CADM2: variants seen among roughly 807,000 people sequenced by gnomAD.
CADM2 encodes cell adhesion molecule 2.
A neutral mutation model predicts 49.8 loss-of-function variants in CADM2; 12 were observed. The observed-to-expected ratio is 0.24, with a 90% CI of 0.15 to 0.39. The LOEUF (loss-of-function observed/expected upper bound fraction) is 0.39. Ranked by LOEUF, CADM2 falls within the 10% of genes least tolerant of loss-of-function variation. CADM2 has a pLI of 1.00. For missense variants in CADM2, 378 were observed against 492.3 expected, an observed-to-expected ratio of 0.77 and a Z score of 2.20; for synonymous variants, 214 against 175.4, an observed-to-expected ratio of 1.22 and a Z score of -1.74.
chr3:86,041,803 A>G (rs1007821092), intron 8 of CADM2, among the ~76,000 whole-genome samples: 1 of 152,242 alleles, frequency 6.6e-6, no homozygotes, highest in Non-Finnish European at 1.5e-5. Flanking sequence ...CACCACACCT[A>G]TTCCAAAATT....
At chr3:85,920,886 T>A (rs1191356085) in intron 6 of CADM2, among the ~76,000 whole-genome samples, 1 of 151,542 alleles carries the variant, frequency 6.6e-6, no homozygotes, top group African/African-American at 2.4e-5. Context: ...AAAATTAATA[T>A]AACATACTCT....
At chr3:84,981,136 C>T (rs993522297) in intron 1 of CADM2, among the ~76,000 whole-genome samples, 1 of 115,126 alleles carries the variant, frequency 8.7e-6, no homozygotes, top group Non-Finnish European at 1.7e-5. Context: ...CCTCCCCCCA[C>T]CCCACAACAG....
chr3:85,615,523 G>C (rs17023088), intron 1 of CADM2, among the ~76,000 whole-genome samples: 6,433 of 151,890 alleles, frequency 0.042, 450 homozygotes, highest in African/African-American at 0.15. Flanking sequence ...AATCCTTACT[G>C]ACCCTATTTC....
intron 1 of CADM2, among the ~76,000 whole-genome samples, chr3:85,680,838 A>C (rs1402798310): frequency 6.6e-6 from 1 of 152,162 alleles, no homozygotes; most frequent in Non-Finnish European, 1.5e-5. Flanking sequence ...ACTTATCAAA[A>C]GGTCAGTTCA....
intron 1 of CADM2, among the ~76,000 whole-genome samples, chr3:85,700,000 A>T (rs987809824): frequency 2.0e-5 from 3 of 152,168 alleles, no homozygotes; most frequent in African/African-American, 4.8e-5. Context: ...TACCCAAAGG[A>T]TTATAAATCA....
intron 8 of CADM2, among the ~76,000 whole-genome samples, chr3:85,980,340 T>C (rs1179571286): frequency 6.6e-6 from 1 of 151,526 alleles, no homozygotes; most frequent in Non-Finnish European, 1.5e-5. Context: ...TAATTAATTC[T>C]AGATATTAAG....
chr3:86,027,612 C>G (rs943124716), intron 8 of CADM2, among the ~76,000 whole-genome samples: 1 of 151,948 alleles, frequency 6.6e-6, no homozygotes, highest in Non-Finnish European at 1.5e-5. Flanking sequence ...TGAGGCATAG[C>G]CTATTGAAAT....
At chr3:85,838,166 G>T (rs2074485421) in intron 3 of CADM2, among the ~76,000 whole-genome samples, 1 of 151,842 alleles carries the variant, frequency 6.6e-6, no homozygotes, top group Non-Finnish European at 1.5e-5. Flanking sequence ...AAAGTCCAGT[G>T]TGTGGGATCA....
intron 2 of CADM2, among the ~76,000 whole-genome samples, chr3:85,734,391 C>G (rs1037520297): frequency 1.3e-5 from 2 of 151,830 alleles, no homozygotes; most frequent in Admixed American, 6.6e-5. Flanking sequence ...ATGGCACTCT[C>G]AATGCAGGGA....
At chr3:86,021,906 C>T (rs940350067) in intron 8 of CADM2, among the ~76,000 whole-genome samples, 2 of 152,030 alleles carry the variant, frequency 1.3e-5, no homozygotes, top group African/African-American at 4.8e-5. Context: ...AGATCTAATA[C>T]ACAACATGAG....
chr3:85,439,873 A>G (rs1434171539), intron 1 of CADM2, among the ~76,000 whole-genome samples: 1 of 152,202 alleles, frequency 6.6e-6, no homozygotes, highest in Non-Finnish European at 1.5e-5. Context: ...TCAGACTCAA[A>G]AACATCTTCC....
chr3:85,516,543 G>A (rs1435600115), intron 1 of CADM2, among the ~76,000 whole-genome samples: 1 of 152,146 alleles, frequency 6.6e-6, no homozygotes, highest in East Asian at 1.9e-4. Context: ...AATTACCAGA[G>A]ATTTTAGTAA....
chr3:85,006,571 A>T (rs955548534), intron 1 of CADM2, among the ~76,000 whole-genome samples: 15 of 152,292 alleles, frequency 9.8e-5, no homozygotes, highest in African/African-American at 3.6e-4. Flanking sequence ...CTGGAACTTC[A>T]TGCTAAATGC....
chr3:85,335,956 A>G (rs1559785964), intron 1 of CADM2, among the ~76,000 whole-genome samples: 1 of 151,494 alleles, frequency 6.6e-6, no homozygotes, highest in African/African-American at 2.4e-5. Context: ...CTCTGATTGT[A>G]TTCATTACTT....
chr3:85,181,794 A>C (rs1052807053), intron 1 of CADM2, among the ~76,000 whole-genome samples: 37 of 150,848 alleles, frequency 2.5e-4, no homozygotes, highest in Non-Finnish European at 1.3e-4. Context: ...ATTGTTATAT[A>C]TCTCTCTCTA....
rs143988929 is a variant in CADM2, at chr3:85,186,962, G to A, written c.61+227294G>A. 5.3e-5 allele frequency among the ~76,000 whole-genome samples: 8 copies of A among 152,190 alleles called. No homozygotes were observed. The East Asian group carries it at 1.5e-3, about 29-fold the overall frequency. On this transcript the variant is annotated intron_variant, in intron 1 of 9. Transcript: ENST00000383699. ...TATTTCCTGAGTGATTAAACCATGA[G>A]GTTTTTCTGTATGCCTTTGTAAAAT...
intron 1 of CADM2, among the ~76,000 whole-genome samples, chr3:85,105,739 G>A (rs1290786462): frequency 3.3e-5 from 5 of 152,132 alleles, no homozygotes; most frequent in African/African-American, 1.2e-4. Context: ...TATGGCACAT[G>A]TACAGCATGG....
intron 1 of CADM2, among the ~76,000 whole-genome samples, chr3:85,715,938 C>G (rs1391152312): frequency 6.6e-6 from 1 of 152,184 alleles, no homozygotes; most frequent in Non-Finnish European, 1.5e-5. Flanking sequence ...CAAGTCTTTG[C>G]TATTGTGAAT....
intron 1 of CADM2, among the ~76,000 whole-genome samples, chr3:85,626,868 A>G (rs1425316009): frequency 6.6e-6 from 1 of 152,030 alleles, no homozygotes; most frequent in Admixed American, 6.6e-5. Context: ...CTTGGCTTCA[A>G]TCAATGAGGG....
Sources: gnomAD v4.1 joint callset for allele counts (sites outside exome capture counted in the v4.1 genomes callset) on GRCh38, gnomAD v4.1.1 for gene constraint, MANE v1.5 for transcripts, NCBI Gene and HGNC (gene_info 2026-07-23, HGNC 2026-07-21) for gene names.